The following PARD3B variants were observed in gnomAD, a reference collection of about 807,000 sequenced individuals.
The protein encoded by PARD3B is partitioning defective 3 homolog B.
A neutral mutation model predicts 130.2 loss-of-function variants in PARD3B; 103 were observed. The ratio of observed to expected loss-of-function variants is 0.79; its 90% CI spans 0.67 to 0.93. The LOEUF (loss-of-function observed/expected upper bound fraction) is 0.93, where lower values mean the gene tolerates loss of function less well. PARD3B is among the 40% of genes least tolerant of loss of function. The probability of loss-of-function intolerance (pLI) is 0.00; values close to 1 mark genes in which losing one functional copy is unlikely to be tolerated. For synonymous variants in PARD3B, 583 were observed against 553.2 expected, an observed-to-expected ratio of 1.05 and a Z score of -0.76; for missense variants, 1,609 against 1,499.2, an observed-to-expected ratio of 1.07 and a Z score of -1.21.
At chr2:205,048,488 C>G (rs1159990420) in intron 4 of PARD3B, 1 of 152,134 alleles carries the variant, frequency 6.6e-6, no homozygotes, top group African/African-American at 2.4e-5. Flanking sequence ...TCAATTTTGG[C>G]TAATGACTAT....
chr2:205,262,791 A>G (rs1442666399), intron 16 of PARD3B, among the ~76,000 whole-genome samples: 1 of 152,142 alleles, frequency 6.6e-6, no homozygotes, highest in Non-Finnish European at 1.5e-5. Flanking sequence ...TGAAATGGCT[A>G]CAGCAACACC....
chr2:205,228,887 A>G (rs1443630471), intron 15 of PARD3B, among the ~76,000 whole-genome samples: 1 of 152,158 alleles, frequency 6.6e-6, no homozygotes, highest in Non-Finnish European at 1.5e-5. Flanking sequence ...TGCTGTTAAG[A>G]GAATCTCATG....
chr2:204,695,226 A>G (rs1331043185), intron 2 of PARD3B, among the ~76,000 whole-genome samples: 2 of 151,872 alleles, frequency 1.3e-5, no homozygotes, highest in South Asian at 4.1e-4. Context: ...TTGTATAGGC[A>G]TATCTTTGGC....
chr2:205,528,365 T>C (rs1318471712), intron 21 of PARD3B, among the ~76,000 whole-genome samples: 4 of 152,190 alleles, frequency 2.6e-5, no homozygotes, highest in Non-Finnish European at 5.9e-5. Flanking sequence ...AATGTTTGAA[T>C]TCTTGATGGC....
intron 16 of PARD3B, among the ~76,000 whole-genome samples, chr2:205,256,172 C>T (rs1319975670): frequency 8.0e-6 from 1 of 124,932 alleles, no homozygotes. Flanking sequence ...TCAAAGATCC[C>T]TCTCAGGATG....
chr2:204,665,284 C>T (rs920154946), intron 1 of PARD3B, among the ~76,000 whole-genome samples: 1 of 152,054 alleles, frequency 6.6e-6, no homozygotes, highest in Non-Finnish European at 1.5e-5. Flanking sequence ...TAGGTGGGGT[C>T]TCTGCCTGGG....
At chr2:205,420,787 C>T (rs1425510308) in intron 19 of PARD3B, among the ~76,000 whole-genome samples, 4 of 152,082 alleles carry the variant, frequency 2.6e-5, no homozygotes, top group African/African-American at 4.8e-5. Flanking sequence ...AGCAGGTCAC[C>T]GTAAATTTTC....
chr2:204,825,280 G>A (rs967501558), intron 2 of PARD3B, among the ~76,000 whole-genome samples: 1 of 152,158 alleles, frequency 6.6e-6, no homozygotes, highest in Non-Finnish European at 1.5e-5. Context: ...TAATTATAAT[G>A]TCCCCAGGGA....
intron 1 of PARD3B, among the ~76,000 whole-genome samples, chr2:204,655,939 T>G (rs1450465767): frequency 6.6e-6 from 1 of 152,194 alleles, no homozygotes; most frequent in African/African-American, 2.4e-5. Flanking sequence ...GGTGAGAAGG[T>G]TGTAGGCTGG....
intron 10 of PARD3B, among the ~76,000 whole-genome samples, chr2:205,126,510 G>C (rs1477090569): frequency 3.3e-5 from 5 of 151,962 alleles, no homozygotes; most frequent in Admixed American, 3.3e-4. Context: ...GGGAGGCCGA[G>C]GCGGGTGGAT....
rs2048526191 is a variant in PARD3B, at chr2:205,463,627, G to A, written c.3044+22955G>A. The stretch of plus-strand genomic sequence containing the variant: ...TGTGCAAAATTAAGATTTCGTAAGT[G>A]GCATTTTAAATGAATGGTTAATGGC... On this transcript the variant is annotated intron_variant, in intron 20 of 22. Transcript: ENST00000406610. The surrounding 1 kb of genome is among the most constrained non-coding windows in gnomAD (Gnocchi z 4.8). 6.6e-6 allele frequency among the ~76,000 whole-genome samples: 1 copy of A among 152,172 alleles called. No homozygotes were observed. The highest frequency in any genetic ancestry group is 1.5e-5 in the Non-Finnish European group (1 of 68,040).
chr2:204,926,060 A>G (rs1687592945), intron 2 of PARD3B, among the ~76,000 whole-genome samples: 2 of 151,952 alleles, frequency 1.3e-5, no homozygotes, highest in South Asian at 4.1e-4. Flanking sequence ...CTTGGGTAGC[A>G]CCTTTATAAG....
At chr2:204,622,026 G>C (rs1430502546) in intron 1 of PARD3B, among the ~76,000 whole-genome samples, 1 of 152,176 alleles carries the variant, frequency 6.6e-6, no homozygotes, top group Non-Finnish European at 1.5e-5. Flanking sequence ...GAGGGGCAGA[G>C]GGTAAAGAGT....
chr2:205,203,298 C>T (rs1272375958), intron 15 of PARD3B, among the ~76,000 whole-genome samples: 1 of 151,908 alleles, frequency 6.6e-6, no homozygotes, highest in East Asian at 1.9e-4. Flanking sequence ...ATTCTGGGCT[C>T]CTCTTAAAAC....
intron 21 of PARD3B, among the ~76,000 whole-genome samples, chr2:205,502,350 T>C (rs1271019478): frequency 6.6e-6 from 1 of 152,140 alleles, no homozygotes; most frequent in East Asian, 1.9e-4. Flanking sequence ...ACCAGGGCAC[T>C]AGCTAAAATC....
chr2:205,423,617 A>G (rs968195790), intron 19 of PARD3B, among the ~76,000 whole-genome samples: 1 of 152,222 alleles, frequency 6.6e-6, no homozygotes, highest in African/African-American at 2.4e-5. Context: ...TGTGGTTTAC[A>G]TATGTTCATT....
rs748817551 is a variant in PARD3B, at chr2:205,078,761, C to T, written c.505-25665C>T. Among the ~76,000 whole-genome samples the T allele has an allele frequency of 2.0e-5, 3 of 152,184 alleles. No homozygotes were observed. The highest frequency in any genetic ancestry group is 7.2e-5 in the African/African-American group (3 of 41,448). ...TGAGACTAGTTCAGAAAAGGCTATACCTGTGGCTTCCATCTGATTCCCTTG... is the reference window on the plus strand; with the variant it reads ...TGAGACTAGTTCAGAAAAGGCTATATCTGTGGCTTCCATCTGATTCCCTTG... On this transcript the variant is annotated intron_variant, in intron 4 of 22. Coordinates refer to ENST00000406610, the MANE Select transcript of PARD3B (RefSeq NM_001302769.2). The surrounding 1 kb of genome is among the most constrained non-coding windows in gnomAD (Gnocchi z 4.0).
chr2:205,460,343 C>T lies in PARD3B; in HGVS notation c.3044+19671C>T, dbSNP rs1262524985. On this transcript the variant is annotated intron_variant, in intron 20 of 22. Coordinates refer to ENST00000406610, the MANE Select transcript of PARD3B (RefSeq NM_001302769.2). This position sits in a 1 kb window ranked among gnomAD's most constrained non-coding sequence, Gnocchi z 4.9. ...CCAGAATTTGCTCAGATGTGAGTTT[C>T]AGGATCTAGAAACACAATATGAGGA... Among the ~76,000 whole-genome samples the T allele has an allele frequency of 6.6e-6, 1 of 151,684 alleles. No homozygotes were observed. Among genetic ancestry groups the T allele is most frequent in the East Asian group, 1.9e-4 (1 of 5,166 alleles).
chr2:205,043,902 C>A (rs1190499945), intron 3 of PARD3B, among the ~76,000 whole-genome samples: 1 of 151,186 alleles, frequency 6.6e-6, no homozygotes, highest in Non-Finnish European at 1.5e-5. Context: ...GAGTGCTGCA[C>A]CCACCAACTC....
Sources: allele counts gnomAD v4.1 joint callset (sites outside exome capture counted in the v4.1 genomes callset), GRCh38; gene constraint gnomAD v4.1.1; non-coding constraint Gnocchi (gnomAD v3.1); transcripts MANE v1.5; gene names NCBI Gene and HGNC (gene_info 2026-07-23, HGNC 2026-07-21).